SOX21: variants seen among roughly 807,000 people sequenced by gnomAD.
SOX21 encodes the protein SRY-box transcription factor 21.
For synonymous variants in SOX21, 237 were observed against 189.7 expected (o/e 1.25, Z -2.05); for missense variants, 370 against 388.8 (o/e 0.95, Z 0.41).
Position 94,712,414 on chromosome 13 carries a change from C to T in SOX21, c.-365G>A, listed in dbSNP as rs1049341197. 3.9e-6 allele frequency: 4 copies of T among 1,017,332 alleles called. No homozygotes were observed. The highest frequency in any genetic ancestry group is 4.7e-6 in the Non-Finnish European group (4 of 852,762). The allele number at this position is 1,017,332 out of a possible 1,614,324, so 63.0% of individuals were successfully genotyped here. On this transcript the variant is annotated 5_prime_UTR_variant, in exon 1 of 1. Transcript: ENST00000376945. The surrounding 1 kb of genome is among the most constrained non-coding windows in gnomAD (Gnocchi z 5.0). Reference sequence around the variant, plus strand: ...GGCGGCCGGGCAGAGCGCTCCTCCTCCTCGGTCGTTCTCTCTTAAATGCAA... The same window carrying T: ...GGCGGCCGGGCAGAGCGCTCCTCCTTCTCGGTCGTTCTCTCTTAAATGCAA...
At position 94,711,354 on chromosome 13, in the gene SOX21, C is replaced by A; in HGVS notation, c.696G>T (p.Pro232=). ...TGCAGTTGCACGGGATCATGTAGCC[C>A]GGGTTGCCCGGGCTGGGGTGCGAGT... The part of the protein sequence containing the change: ...HTHSHPSPGN[P]GYMIPCNCSA... The change falls in exon 1 of 1, where the codon CCG becomes CCT. Residue 232 remains proline (P), a synonymous_variant. Transcript: ENST00000376945. 1.6e-6 allele frequency: 2 copies of A among 1,263,108 alleles called. No homozygotes were observed. The highest frequency in any genetic ancestry group is 3.0e-4 in the Middle Eastern group (1 of 3,296). The allele number at this position is 1,263,108 out of a possible 1,614,324, so 78.2% of individuals were successfully genotyped here.
At position 94,710,930 on chromosome 13, in the gene SOX21, C is replaced by T; in HGVS notation, c.*289G>A. 1 of 317,672 alleles carries T rather than the reference C, an allele frequency of 3.1e-6. No homozygotes were observed. The highest frequency in any genetic ancestry group is 5.7e-6 in the Non-Finnish European group (1 of 174,270). The allele number at this position is 317,672 out of a possible 1,614,324, so 19.7% of individuals were successfully genotyped here. ...TCAAAACGCAACAGGTTCCGAAGTGCAAAGCAAACGCCAACTGCTGCCGCA... is the reference window on the plus strand; with the variant it reads ...TCAAAACGCAACAGGTTCCGAAGTGTAAAGCAAACGCCAACTGCTGCCGCA... On this transcript the variant is annotated 3_prime_UTR_variant, in exon 1 of 1. Transcript: ENST00000376945.
rs1486926748 is a variant in SOX21 at position 94,710,347 on chromosome 13, C to G, written c.*872G>C. ...GGGAAAATAGGAGCAGTGCCTTTTT[C>G]CTTTTTTGTAAACTGTGTCAGAAAT... On this transcript the variant is annotated 3_prime_UTR_variant, in exon 1 of 1. Coordinates refer to ENST00000376945, the MANE Select transcript of SOX21 (RefSeq NM_007084.4). 6.6e-6 allele frequency: 1 copy of G among 152,572 alleles called. No homozygotes were observed. The highest frequency in any genetic ancestry group is 2.4e-5 in the African/African-American group (1 of 41,420). The allele number at this position is 152,572 out of a possible 1,614,324, so 9.5% of individuals were successfully genotyped here. A position where few individuals can be genotyped will look rare whatever the true frequency, so the allele number is the denominator to read the frequency against.
In SOX21 at chr13:94,711,112, C is replaced by T; in HGVS notation, c.*107G>A. 9.0e-7 allele frequency: 1 copy of T among 1,111,106 alleles called. No homozygotes were observed. The highest frequency in any genetic ancestry group is 1.1e-6 in the Non-Finnish European group (1 of 877,426). 68.8% of individuals were successfully genotyped at this position (1,111,106 alleles called of 1,614,324 possible). A position where few individuals can be genotyped will look rare whatever the true frequency, so the allele number is the denominator to read the frequency against. ...GGCACCTATACATTCTATGTACATACAAACCGGGCCCCCGGTCGCGGGAGG... is the reference window on the plus strand; with the variant it reads ...GGCACCTATACATTCTATGTACATATAAACCGGGCCCCCGGTCGCGGGAGG... On this transcript the variant is annotated 3_prime_UTR_variant, in exon 1 of 1. Coordinates refer to ENST00000376945, the MANE Select transcript of SOX21 (RefSeq NM_007084.4).
At position 94,711,215 on chromosome 13, in the gene SOX21, G is replaced by C. The variant is rs1414830478; in HGVS notation, c.*4C>G. ...ACCGGTCCTCGCGAGGCGGCCCCGC[G>C]GGGTCATAGCGCGGCAGCGTAGGCC... On this transcript the variant is annotated 3_prime_UTR_variant, in exon 1 of 1. Coordinates refer to ENST00000376945, the MANE Select transcript of SOX21 (RefSeq NM_007084.4). 7.5e-6 allele frequency: 10 copies of C among 1,328,614 alleles called. No homozygotes were observed. Among genetic ancestry groups the C allele is most frequent in the Non-Finnish European group, 9.6e-6 (10 of 1,045,374 alleles). The allele number at this position is 1,328,614 out of a possible 1,614,324, so 82.3% of individuals were successfully genotyped here. A position where few individuals can be genotyped will look rare whatever the true frequency, so the allele number is the denominator to read the frequency against.
rs1875294682 is a variant in SOX21, at chr13:94,712,465, A to G, written c.-416T>C. 9 of 990,410 alleles carry G rather than the reference A, an allele frequency of 9.1e-6. 1 individual carries two copies. The South Asian group carries it at 3.3e-4, about 36-fold the overall frequency. The allele number at this position is 990,410 out of a possible 1,614,324, so 61.4% of individuals were successfully genotyped here. A position where few individuals can be genotyped will look rare whatever the true frequency, so the allele number is the denominator to read the frequency against. ...AGCGTCCCCAAAAGTTGCGTCGCGG[A>G]GACTCCTCGAAGTTGAGCCGAGGAG... On this transcript the variant is annotated 5_prime_UTR_variant, in exon 1 of 1. Transcript: ENST00000376945. This position sits in a 1 kb window ranked among gnomAD's most constrained non-coding sequence, Gnocchi z 5.0.
Position 94,711,537 on chromosome 13 carries a change from C to T in SOX21, c.513G>A (p.Ser171=). The T allele has an allele frequency of 1.9e-6, 2 of 1,031,944 alleles. No individual in the cohort carries two copies. Among genetic ancestry groups the T allele is most frequent in the Non-Finnish European group, 1.2e-6 (1 of 852,604 alleles). The allele number at this position is 1,031,944 out of a possible 1,614,324, so 63.9% of individuals were successfully genotyped here. ...AAAAAAGSPY[S]LLDLGSKMAE... ...CCATTTTGGAGCCCAGGTCGAGCAG[C>T]GAGTAGGGGCTGCCCGCGGCGGCGG... is the stretch of plus-strand genomic sequence containing the variant. Residue 171 remains serine, a synonymous_variant, in exon 1 of 1, where the codon TCG becomes TCA. Coordinates refer to ENST00000376945, the MANE Select transcript of SOX21 (RefSeq NM_007084.4).
rs1331389907 is a variant in SOX21, at chr13:94,711,093, T to C, written c.*126A>G. 2.1e-6 allele frequency: 2 copies of C among 971,124 alleles called. No homozygotes were observed. Among genetic ancestry groups the C allele is most frequent in the African/African-American group, 1.7e-5 (1 of 58,810 alleles). 60.2% of individuals were successfully genotyped at this position (971,124 alleles called of 1,614,324 possible). On this transcript the variant is annotated 3_prime_UTR_variant, in exon 1 of 1. Coordinates refer to ENST00000376945, the MANE Select transcript of SOX21 (RefSeq NM_007084.4). Reference sequence around the variant, plus strand: ...GGCCTCTCTGCCTCTACCTGGCACCTATACATTCTATGTACATACAAACCG... The same window carrying C: ...GGCCTCTCTGCCTCTACCTGGCACCCATACATTCTATGTACATACAAACCG...
At position 94,711,181 on chromosome 13, in the gene SOX21, C is replaced by A; in HGVS notation, c.*38G>T. On this transcript the variant is annotated 3_prime_UTR_variant, in exon 1 of 1. Coordinates refer to ENST00000376945, the MANE Select transcript of SOX21 (RefSeq NM_007084.4). Reference sequence around the variant, plus strand: ...GCGCTCGTACCTATACATATGTACACGTGTGCACACCGGTCCTCGCGAGGC... The same window carrying A: ...GCGCTCGTACCTATACATATGTACAAGTGTGCACACCGGTCCTCGCGAGGC... 2 of 1,290,900 alleles carry A rather than the reference C, an allele frequency of 1.5e-6. No homozygotes were observed. The highest frequency in any genetic ancestry group is 2.0e-6 in the Non-Finnish European group (2 of 1,023,480). The allele number at this position is 1,290,900 out of a possible 1,614,324, so 80.0% of individuals were successfully genotyped here.
Position 94,711,157 on chromosome 13 carries a change from C to T in SOX21, c.*62G>A. 1 of 1,232,902 alleles carries T rather than the reference C, an allele frequency of 8.1e-7. No homozygotes were observed. Among genetic ancestry groups the T allele is most frequent in the South Asian group, 3.7e-5 (1 of 27,264 alleles). 76.4% of individuals were successfully genotyped at this position (1,232,902 alleles called of 1,614,324 possible). ...GGGAGGGCGCACGGGGAGGCCGCAG[C>T]GCTCGTACCTATACATATGTACACG... On this transcript the variant is annotated 3_prime_UTR_variant, in exon 1 of 1. Transcript: ENST00000376945.
Position 94,711,193 on chromosome 13 carries a change from G to C in SOX21, c.*26C>G. 7.7e-7 allele frequency: 1 copy of C among 1,305,000 alleles called. No homozygotes were observed. Among genetic ancestry groups the C allele is most frequent in the Non-Finnish European group, 9.7e-7 (1 of 1,032,216 alleles). 80.8% of individuals were successfully genotyped at this position (1,305,000 alleles called of 1,614,324 possible). On this transcript the variant is annotated 3_prime_UTR_variant, in exon 1 of 1. Transcript: ENST00000376945. ...ATACATATGTACACGTGTGCACACC[G>C]GTCCTCGCGAGGCGGCCCCGCGGGG...
rs1875207451 is a variant in SOX21 at position 94,710,680 on chromosome 13, C to A, written c.*539G>T. ...GGGAGGCGAGGCTGCTCAGAGCCATCCCACTCCCAGAAACGAATGACACAA... is the reference window on the plus strand; with the variant it reads ...GGGAGGCGAGGCTGCTCAGAGCCATACCACTCCCAGAAACGAATGACACAA... On this transcript the variant is annotated 3_prime_UTR_variant, in exon 1 of 1. Transcript: ENST00000376945. 1 of 152,004 alleles carries A rather than the reference C, an allele frequency of 6.6e-6. No individual in the cohort carries two copies. Among genetic ancestry groups the A allele is most frequent in the South Asian group, 2.1e-4 (1 of 4,816 alleles). The allele number at this position is 152,004 out of a possible 1,614,324, so 9.4% of individuals were successfully genotyped here.
chr13:94,711,910 T>C lies in SOX21; in HGVS notation c.140A>G (p.Lys47Arg), dbSNP rs1370216112. ...EISKRLGAEW[K>R]LLTESEKRPF... The stretch of plus-strand genomic sequence containing the variant: ...CCGCTTCTCCGACTCTGTGAGCAGT[T>C]TCCACTCGGCGCCCAAGCGCTTGCT... Residue 47 changes from lysine (K) to arginine (R), a missense_variant, in exon 1 of 1, where the codon AAA becomes AGA. Lys to Arg is a conservative substitution (Grantham distance 26). Coordinates refer to ENST00000376945, the MANE Select transcript of SOX21 (RefSeq NM_007084.4). 3.7e-6 allele frequency: 6 copies of C among 1,613,896 alleles called. No individual in the cohort carries two copies. The African/African-American group carries it at 6.7e-5, about 18-fold the overall frequency.
chr13:94,712,374 C>T lies in SOX21; in HGVS notation c.-325G>A. ...GTCTGCAGTGGCGTTTGCTGGTGAG[C>T]TCCCCGCAGGTAGCGGCGGCCGGGC... On this transcript the variant is annotated 5_prime_UTR_variant, in exon 1 of 1. Coordinates refer to ENST00000376945, the MANE Select transcript of SOX21 (RefSeq NM_007084.4). The surrounding 1 kb of genome is among the most constrained non-coding windows in gnomAD (Gnocchi z 5.0). The T allele has an allele frequency of 9.6e-7, 1 of 1,044,364 alleles. No individual in the cohort carries two copies. Among genetic ancestry groups the T allele is most frequent in the Non-Finnish European group, 1.1e-6 (1 of 870,268 alleles). The allele number at this position is 1,044,364 out of a possible 1,614,324, so 64.7% of individuals were successfully genotyped here.
Position 94,711,363 on chromosome 13 carries a change from C to T in SOX21, c.687G>A (p.Pro229=), listed in dbSNP as rs6492735. The T allele has an allele frequency of 1.6e-5, 20 of 1,254,176 alleles. No homozygotes were observed. The African/African-American group carries it at 2.3e-4, about 15-fold the overall frequency. The allele number at this position is 1,254,176 out of a possible 1,614,324, so 77.7% of individuals were successfully genotyped here. A position where few individuals can be genotyped will look rare whatever the true frequency, so the allele number is the denominator to read the frequency against. The change falls in exon 1 of 1, where the codon CCG becomes CCA. Residue 229 remains proline, a synonymous_variant. Coordinates refer to ENST00000376945, the MANE Select transcript of SOX21 (RefSeq NM_007084.4). ...AGGHTHSHPS[P]GNPGYMIPCN... Reference sequence around the variant, plus strand: ...ACGGGATCATGTAGCCCGGGTTGCCCGGGCTGGGGTGCGAGTGCGTGTGCC... The same window carrying T: ...ACGGGATCATGTAGCCCGGGTTGCCTGGGCTGGGGTGCGAGTGCGTGTGCC...
chr13:94,711,252 G>A lies in SOX21; in HGVS notation c.798C>T (p.Asp266=), dbSNP rs1411417525. 1 of 1,373,414 alleles carries A rather than the reference G, an allele frequency of 7.3e-7. No individual in the cohort carries two copies. Among genetic ancestry groups the A allele is most frequent in the Non-Finnish European group, 9.4e-7 (1 of 1,068,772 alleles). The allele number at this position is 1,373,414 out of a possible 1,614,324, so 85.1% of individuals were successfully genotyped here. ...LLPGMGKPQL[D]PYPAAYAAAL ...CGGCAGCGTAGGCCGCGGGGTAGGG[G>A]TCCAGCTGGGGCTTGCCCATGCCCG... Residue 266 remains aspartate (D), a synonymous_variant, in exon 1 of 1, where the codon GAC becomes GAT. Coordinates refer to ENST00000376945, the MANE Select transcript of SOX21 (RefSeq NM_007084.4).
Position 94,711,761 on chromosome 13 carries a change from G to A in SOX21, c.289C>T (p.Pro97Ser), listed in dbSNP as rs1346184335. 6.2e-7 allele frequency: 1 copy of A among 1,613,002 alleles called. No individual in the cohort carries two copies. Among genetic ancestry groups the A allele is most frequent in the Non-Finnish European group, 8.5e-7 (1 of 1,179,650 alleles). ...TCCGCCACGCCGCCCAGGCCGTAGG[G>A]CACCGGGAAGGCGAACTTGTCCTTC... is the stretch of plus-strand genomic sequence containing the variant. ...LKKDKFAFPVPYGLGGVADAE... is the reference protein window; with the variant it reads ...LKKDKFAFPVSYGLGGVADAE... Residue 97 changes from proline (P) to serine (S), a missense_variant, in exon 1 of 1, where the codon CCC (proline) becomes TCC (serine). Transcript: ENST00000376945.
Position 94,712,228 on chromosome 13 carries a change from C to G in SOX21, c.-179G>C. 3.2e-6 allele frequency: 4 copies of G among 1,253,422 alleles called. No individual in the cohort carries two copies. Among genetic ancestry groups the G allele is most frequent in the Middle Eastern group, 3.1e-4 (1 of 3,226 alleles). The allele number at this position is 1,253,422 out of a possible 1,614,324, so 77.6% of individuals were successfully genotyped here. A position where few individuals can be genotyped will look rare whatever the true frequency, so the allele number is the denominator to read the frequency against. On this transcript the variant is annotated 5_prime_UTR_variant, in exon 1 of 1. Transcript: ENST00000376945. The surrounding 1 kb of genome is among the most constrained non-coding windows in gnomAD (Gnocchi z 5.0). ...GACCAGCCCAGGGCCACGCCGCGCC[C>G]CGGGCCGCCTTAGTGTCTCCGGCCG... is the stretch of plus-strand genomic sequence containing the variant.
Position 94,711,164 on chromosome 13 carries a change from A to G in SOX21, c.*55T>C. ...CGCACGGGGAGGCCGCAGCGCTCGTACCTATACATATGTACACGTGTGCAC... is the reference window on the plus strand; with the variant it reads ...CGCACGGGGAGGCCGCAGCGCTCGTGCCTATACATATGTACACGTGTGCAC... On this transcript the variant is annotated 3_prime_UTR_variant, in exon 1 of 1. Transcript: ENST00000376945. 1 of 1,243,946 alleles carries G rather than the reference A, an allele frequency of 8.0e-7. No individual in the cohort carries two copies. Among genetic ancestry groups the G allele is most frequent in the East Asian group, 3.2e-5 (1 of 31,700 alleles). The allele number at this position is 1,243,946 out of a possible 1,614,324, so 77.1% of individuals were successfully genotyped here.
Sources: gnomAD v4.1 joint callset for allele counts on GRCh38, gnomAD v4.1.1 for gene constraint, Gnocchi (gnomAD v3.1) non-coding constraint, MANE v1.5 for transcripts, NCBI Gene and HGNC (gene_info 2026-07-23, HGNC 2026-07-21) for gene names.